The following DNASE1L2 variants were observed in gnomAD, a reference collection of about 807,000 sequenced individuals.
DNASE1L2 encodes the protein deoxyribonuclease-1-like 2.
Under a neutral mutation model 31.8 loss-of-function variants are expected in DNASE1L2, and 35 were observed. The observed-to-expected ratio is 1.10, with a 90% CI of 0.84 to 1.46. DNASE1L2 has a LOEUF of 1.46. Among genes scored for constraint, DNASE1L2 ranks in the 40% most tolerant of loss-of-function variants. DNASE1L2 has a pLI of 0.00. For synonymous variants in DNASE1L2, 211 were observed against 186.5 expected (o/e 1.13, Z -1.07); for missense variants, 504 against 418.8 (o/e 1.20, Z -1.77).
Position 2,237,792 on chromosome 16 carries a change from ACGCCGACTGCAG to A in DNASE1L2, c.619_630del (p.Ala207_Ser210del). ...GACATGCTGTTCCTGGGCGACTTCA[ACGCCGACTGCAG>A]CTATGTGCGGGCGCAGGACTGGGCC... On this transcript the variant is annotated inframe_deletion, in exon 6 of 7. Transcript: ENST00000320700. The A allele has an allele frequency of 6.2e-7, 1 of 1,609,108 alleles. No individual in the cohort carries two copies. Among genetic ancestry groups the A allele is most frequent in the African/African-American group, 1.3e-5 (1 of 74,880 alleles).
Position 2,236,578 on chromosome 16 carries a change from C to T in DNASE1L2, c.-40+18C>T, listed in dbSNP as rs186907134. On this transcript the variant is annotated intron_variant, in intron 1 of 6. Transcript: ENST00000320700. Reference sequence around the variant, plus strand: ...CATCCAAGGTGAGTCTCTCGGCTGCCCTGAGCTGGGGCTGGATGGGCCGGA... The same window carrying T: ...CATCCAAGGTGAGTCTCTCGGCTGCTCTGAGCTGGGGCTGGATGGGCCGGA... 2,210 of 1,304,798 alleles carry T rather than the reference C, an allele frequency of 1.7e-3. 30 individuals carry two copies. The African/African-American group carries it at 0.03, about 18-fold the overall frequency. The allele number at this position is 1,304,798 out of a possible 1,614,324, so 80.8% of individuals were successfully genotyped here. A position where few individuals can be genotyped will look rare whatever the true frequency, so the allele number is the denominator to read the frequency against.
chr16:2,237,007 G>A, intron 2 of DNASE1L2, 31 bp from the exon 3 acceptor site: 1 of 1,545,162 alleles, frequency 6.5e-7, no homozygotes. Flanking sequence ...TGCTGACCGC[G>A]CTGACCCCCG....
rs1354402244 is a variant in DNASE1L2 at position 2,237,830 on chromosome 16, G to A, written c.655G>A (p.Ala219Thr). 4 of 1,611,846 alleles carry A rather than the reference G, an allele frequency of 2.5e-6. No homozygotes were observed. The highest frequency in any genetic ancestry group is 3.3e-5 in the Admixed American group (2 of 59,916). The change falls in exon 6 of 7, where the codon GCC (alanine) becomes ACC (threonine). Residue 219 changes from alanine (A) to threonine (T), a missense_variant. Coordinates refer to ENST00000320700, the MANE Select transcript of DNASE1L2 (RefSeq NM_001374.3). ...CTATGTGCGGGCGCAGGACTGGGCCGCCATCCGTCTGAGGAGCAGTGAGGT... is the reference window on the plus strand; with the variant it reads ...CTATGTGCGGGCGCAGGACTGGGCCACCATCCGTCTGAGGAGCAGTGAGGT... ...CSYVRAQDWA[A>T]IRLRSSEVFK...
chr16:2,236,705 G>C (rs2093511873), intron 1 of DNASE1L2, 73 bp from the exon 2 acceptor site: 2 of 1,431,338 alleles, frequency 1.4e-6, no homozygotes, highest in South Asian at 1.5e-5. Flanking sequence ...CGGATTCCGC[G>C]TCGCACTGGC....
At position 2,237,793 on chromosome 16, in the gene DNASE1L2, C is replaced by G. The variant is rs372443542; in HGVS notation, c.618C>G (p.Asn206Lys). 9 of 1,608,892 alleles carry G rather than the reference C, an allele frequency of 5.6e-6. No homozygotes were observed. In the African/African-American group the frequency reaches 1.1e-4, roughly 19 times the overall value. Reference sequence around the variant, plus strand: ...ACATGCTGTTCCTGGGCGACTTCAACGCCGACTGCAGCTATGTGCGGGCGC... The same window carrying G: ...ACATGCTGTTCCTGGGCGACTTCAAGGCCGACTGCAGCTATGTGCGGGCGC... Reference protein sequence around the residue: ...TDDMLFLGDFNADCSYVRAQD... With the variant: ...TDDMLFLGDFKADCSYVRAQD... The change falls in exon 6 of 7, where the codon AAC becomes AAG. Residue 206 changes from asparagine to lysine, a missense_variant. By Grantham distance (94) the Asn-to-Lys change is moderately conservative. Transcript: ENST00000320700.
At position 2,236,456 on chromosome 16, in the gene DNASE1L2, A is replaced by G. The variant is rs1336339648; in HGVS notation, c.-144A>G. On this transcript the variant is annotated 5_prime_UTR_variant, in exon 1 of 7. Transcript: ENST00000320700. ...CTGCCTTGGTGCCAGAGCTACTGCC[A>G]GAGGGAGTCAGTGCAGTCCTGTGTC... The G allele has an allele frequency of 2.8e-6, 3 of 1,076,152 alleles. No individual in the cohort carries two copies. Among genetic ancestry groups the G allele is most frequent in the African/African-American group, 3.3e-5 (2 of 60,510 alleles). 66.7% of individuals were successfully genotyped at this position (1,076,152 alleles called of 1,614,324 possible).
chr16:2,238,159 G>A, intron 6 of DNASE1L2, 141 bp downstream of exon 6: 1 of 1,432,488 alleles, frequency 7.0e-7, no homozygotes, highest in Non-Finnish European at 9.3e-7. Context: ...ACCCTGGAGA[G>A]CCCGGCCCAC....
In DNASE1L2 at chr16:2,238,295, T is replaced by G. The variant is rs1342726670; in HGVS notation, c.844-67T>G. On this transcript the variant is annotated intron_variant, in intron 6 of 6. Coordinates refer to ENST00000320700, the MANE Select transcript of DNASE1L2 (RefSeq NM_001374.3). ...AGCAGCAGGGGTGGGCACCCAGGCC[T>G]CACCGGCCCCTCCCATCCCTGTGGG... 8.1e-6 allele frequency: 13 copies of G among 1,600,518 alleles called. No individual in the cohort carries two copies. The Admixed American group carries it at 1.3e-4, about 16-fold the overall frequency.
Position 2,237,040 on chromosome 16 carries a change from CCTGG to C in DNASE1L2, c.154_157del (p.Gly52MetfsTer35), listed in dbSNP as rs752655887. The C allele has an allele frequency of 1.0e-5, 16 of 1,549,202 alleles. No individual in the cohort carries two copies. In the South Asian group the frequency reaches 1.9e-4, roughly 18 times the overall value. ...CCGCACCCGCCGCTCCTCCCCAGATCCTGGCTGGCTATGACCTCGCGCTGGTGCA... is the reference window on the plus strand; with the variant it reads ...CCGCACCCGCCGCTCCTCCCCAGATCCTGGCTATGACCTCGCGCTGGTGCA... On this transcript the variant is annotated frameshift_variant, in exon 3 of 7. Transcript: ENST00000320700. LOFTEE classifies it high-confidence loss of function.
chr16:2,237,885 A>C lies in DNASE1L2; in HGVS notation c.710A>C (p.Asp237Ala). Reference protein sequence around the residue: ...VFKWLIPDSADTTVGNSDCAY... With the variant: ...VFKWLIPDSAATTVGNSDCAY... The stretch of plus-strand genomic sequence containing the variant: ...AAGTGGCTCATCCCTGACAGCGCCG[A>C]CACCACGGTGGGCAACTCAGACTGC... Residue 237 changes from aspartate (D) to alanine (A), a missense_variant, in exon 6 of 7, where the codon GAC becomes GCC. Asp to Ala is a moderately radical substitution (Grantham distance 126, BLOSUM62 -2). Transcript: ENST00000320700. The C allele has an allele frequency of 6.2e-7, 1 of 1,612,678 alleles. No individual in the cohort carries two copies. The highest frequency in any genetic ancestry group is 8.5e-7 in the Non-Finnish European group (1 of 1,179,850).
chr16:2,236,948 C>G lies in DNASE1L2; in HGVS notation c.132C>G (p.Ser44Arg), dbSNP rs2093512809. The change falls in exon 2 of 7, where the codon AGC becomes AGG. Residue 44 changes from serine to arginine, a missense_variant. Coordinates refer to ENST00000320700, the MANE Select transcript of DNASE1L2 (RefSeq NM_001374.3). Reference sequence around the variant, plus strand: ...AAGTGTCGGACCCCGCTTGCGGCAGCATCATCGCGAAGGTGGGGCCCGGGC... The same window carrying G: ...AAGTGTCGGACCCCGCTTGCGGCAGGATCATCGCGAAGGTGGGGCCCGGGC... ...DSKVSDPACG[S>R]IIAKILAGYD... The G allele has an allele frequency of 1.9e-6, 3 of 1,565,756 alleles. No individual in the cohort carries two copies. The highest frequency in any genetic ancestry group is 2.6e-6 in the Non-Finnish European group (3 of 1,155,586).
chr16:2,237,580 T>C lies in DNASE1L2; in HGVS notation c.522T>C (p.His174=), dbSNP rs2093516026. The C allele has an allele frequency of 1.3e-6, 2 of 1,590,702 alleles. No homozygotes were observed. Among genetic ancestry groups the C allele is most frequent in the East Asian group, 4.6e-5 (2 of 43,456 alleles). Residue 174 remains histidine (H), a synonymous_variant, in exon 5 of 7, where the codon CAT becomes CAC. Transcript: ENST00000320700. ...LVLIPLHAAP[H]QAVAEIDALY... is the part of the protein sequence containing the mutation. ...TGATCCCGCTGCACGCGGCGCCGCA[T>C]CAAGCCGTGGCGGAGATCGACGCGC...
intron 5 of DNASE1L2, 26 bp downstream of exon 5, chr16:2,237,675 T>C: frequency 1.3e-6 from 2 of 1,589,714 alleles, no homozygotes; most frequent in Non-Finnish European, 1.7e-6. Context: ...GGTCCCGGGG[T>C]CCCTGCAGGC....
chr16:2,236,610 A>C (rs1342369515), intron 1 of DNASE1L2, 50 bp downstream of exon 1: 7 of 1,351,842 alleles, frequency 5.2e-6, no homozygotes, highest in Non-Finnish European at 6.6e-6. Context: ...CGGACCCTCC[A>C]TTCCGGCTGC....
chr16:2,237,384 C>A lies in DNASE1L2; in HGVS notation c.326C>A (p.Ala109Glu), dbSNP rs971684311. The A allele has an allele frequency of 4.4e-6, 7 of 1,602,000 alleles. No homozygotes were observed. The highest frequency in any genetic ancestry group is 3.4e-5 in the Admixed American group (2 of 59,142). Residue 109 changes from alanine to glutamate, a missense_variant, in exon 5 of 7, where the codon GCG becomes GAG. Physicochemically the swap from Ala to Glu is moderately radical, Grantham distance 107 (BLOSUM62 -1). Transcript: ENST00000320700. The stretch of plus-strand genomic sequence containing the variant: ...TCCTCCCCATCTCCTAGGAAAGACG[C>A]GGTGTCGGTCGTGGACACCTACCTG... Reference protein sequence around the residue: ...EMYLFVYRKDAVSVVDTYLYP... With the variant: ...EMYLFVYRKDEVSVVDTYLYP...
intron 1 of DNASE1L2, 98 bp downstream of exon 1, chr16:2,236,658 G>A: frequency 1.4e-6 from 2 of 1,400,648 alleles, no homozygotes; most frequent in Non-Finnish European, 1.8e-6. Flanking sequence ...GTCCCTGAGA[G>A]CCCAGCAGTG....
Position 2,238,005 on chromosome 16 carries a change from T to C in DNASE1L2, c.830T>C (p.Leu277Pro). The C allele has an allele frequency of 1.2e-6, 2 of 1,600,162 alleles. No homozygotes were observed. The highest frequency in any genetic ancestry group is 1.7e-6 in the Non-Finnish European group (2 of 1,174,832). Residue 277 changes from leucine (L) to proline (P), a missense_variant, in exon 6 of 7, where the codon CTG (leucine) becomes CCG (proline). Coordinates refer to ENST00000320700, the MANE Select transcript of DNASE1L2 (RefSeq NM_001374.3). ...TVHDFQEEFG[L>P]DQTQALAISD... ...CACGACTTCCAGGAGGAATTCGGCCTGGACCAGACTCAGGCGAGTGGGCCG... is the reference window on the plus strand; with the variant it reads ...CACGACTTCCAGGAGGAATTCGGCCCGGACCAGACTCAGGCGAGTGGGCCG...
Position 2,237,870 on chromosome 16 carries a change from T to A in DNASE1L2, c.695T>A (p.Ile232Asn). The change falls in exon 6 of 7, where the codon ATC (isoleucine) becomes AAC (asparagine). Residue 232 changes from isoleucine (I) to asparagine (N), a missense_variant. By Grantham distance (149) the Ile-to-Asn change is moderately radical. Coordinates refer to ENST00000320700, the MANE Select transcript of DNASE1L2 (RefSeq NM_001374.3). ...AGCAGTGAGGTCTTCAAGTGGCTCA[T>A]CCCTGACAGCGCCGACACCACGGTG... ...LRSSEVFKWL[I>N]PDSADTTVGN... The A allele has an allele frequency of 6.2e-7, 1 of 1,612,736 alleles. No individual in the cohort carries two copies. Among genetic ancestry groups the A allele is most frequent in the Non-Finnish European group, 8.5e-7 (1 of 1,179,862 alleles).
At chr16:2,238,271 G>T in intron 6 of DNASE1L2, 91 bp from the exon 7 acceptor site, 1 of 1,552,280 alleles carries the variant, frequency 6.4e-7, no homozygotes. Flanking sequence ...ACCGCAGGCA[G>T]CAGCAGGGGT....
Sources: allele counts gnomAD v4.1 joint callset, GRCh38; gene constraint gnomAD v4.1.1; transcripts MANE v1.5; gene names NCBI Gene and HGNC (gene_info 2026-07-23, HGNC 2026-07-21).